The following TNFSF4 variants were observed in gnomAD, a reference collection of about 807,000 sequenced individuals.
TNFSF4 encodes the protein tumor necrosis factor ligand superfamily member 4.
Under a neutral mutation model 7.3 loss-of-function variants are expected in TNFSF4, and 4 were observed. That is an observed-to-expected ratio of 0.55 (90% CI 0.27 to 1.25). The LOEUF is 1.25. TNFSF4 is among the 50% of genes most tolerant of loss of function. The pLI is 0.12. For missense variants in TNFSF4, 181 were observed against 208.8 expected, an observed-to-expected ratio of 0.87 and a Z score of 0.82; for synonymous variants, 76 against 83.7, an observed-to-expected ratio of 0.91 and a Z score of 0.50.
the TNFSF4 span, among the ~76,000 whole-genome samples, chr1:173,281,673 C>G: frequency 3.3e-5 from 5 of 152,200 alleles, no homozygotes; most frequent in East Asian, 5.8e-4. Flanking sequence ...TCAATGTTCT[C>G]AAGATCAAGG....
At chr1:173,336,371 C>T in the TNFSF4 span, among the ~76,000 whole-genome samples, 14 of 152,308 alleles carry the variant, frequency 9.2e-5, no homozygotes, top group African/African-American at 3.4e-4. Context: ...TAAGTTTATG[C>T]AGATGGTGAC....
At chr1:173,304,493 A>G in the TNFSF4 span, among the ~76,000 whole-genome samples, 2 of 152,106 alleles carry the variant, frequency 1.3e-5, no homozygotes, top group Non-Finnish European at 1.5e-5. Context: ...CATGAGGGAA[A>G]AGTCCTTTAG....
chr1:173,368,793 C>A, the TNFSF4 span, among the ~76,000 whole-genome samples: 1 of 152,174 alleles, frequency 6.6e-6, no homozygotes, highest in Non-Finnish European at 1.5e-5. Flanking sequence ...TCTATCCTGA[C>A]CCTTGCCTCC....
At chr1:173,378,415 C>T in the TNFSF4 span, among the ~76,000 whole-genome samples, 1 of 152,154 alleles carries the variant, frequency 6.6e-6, no homozygotes, top group African/African-American at 2.4e-5. Flanking sequence ...AAACCAAAAC[C>T]ACGGGCGGTT....
At chr1:173,176,195 A>G in the TNFSF4 span, among the ~76,000 whole-genome samples, 3 of 152,096 alleles carry the variant, frequency 2.0e-5, no homozygotes, top group Admixed American at 1.3e-4. Context: ...ATCCGTAAAA[A>G]CTAACTACCT....
intron 2 of TNFSF4, among the ~76,000 whole-genome samples, chr1:173,187,384 T>C (rs934405412): frequency 6.6e-6 from 1 of 152,218 alleles, no homozygotes; most frequent in Non-Finnish European, 1.5e-5. Flanking sequence ...CTACCCATAC[T>C]CTGAAGCTTG....
At chr1:173,217,691 T>C in the TNFSF4 span, among the ~76,000 whole-genome samples, 2 of 152,236 alleles carry the variant, frequency 1.3e-5, no homozygotes, top group African/African-American at 4.8e-5. Context: ...GGATCTATTA[T>C]GGTAAATAAA....
intron 1 of TNFSF4, chr1:173,205,550 C>T: frequency 7.6e-7 from 1 of 1,311,328 alleles, no homozygotes; most frequent in Non-Finnish European, 9.7e-7. Context: ...GCCATGTGTC[C>T]TGTGTTTTAT....
chr1:173,407,706 G>GTC, the TNFSF4 span, among the ~76,000 whole-genome samples: 440 of 150,764 alleles, frequency 2.9e-3, 1 homozygote, highest in African/African-American at 9.9e-3. Flanking sequence ...GTAAATGGGT[G>GTC]TGTGTGTGTG....
chr1:173,368,439 C>T, the TNFSF4 span, among the ~76,000 whole-genome samples: 1 of 152,062 alleles, frequency 6.6e-6, no homozygotes, highest in Admixed American at 6.5e-5. Flanking sequence ...ACCATTGGAC[C>T]CCTGTTGCTT....
chr1:173,407,403 TATAAAA>T, the TNFSF4 span, among the ~76,000 whole-genome samples: 1 of 151,356 alleles, frequency 6.6e-6, no homozygotes, highest in African/African-American at 2.4e-5. Flanking sequence ...CCATAAAAAG[TATAAAA>T]ATTTGTCGGG....
chr1:173,220,784 A>C, the TNFSF4 span, among the ~76,000 whole-genome samples: 1 of 152,336 alleles, frequency 6.6e-6, no homozygotes, highest in South Asian at 2.1e-4. Flanking sequence ...GTTCTCCAGA[A>C]CTATGAAATA....
the TNFSF4 span, among the ~76,000 whole-genome samples, chr1:173,420,278 C>T: frequency 1.5e-4 from 23 of 152,178 alleles, no homozygotes. Context: ...TCCTTCACTT[C>T]AGGTTTGGAA....
chr1:173,414,783 G>A, the TNFSF4 span, among the ~76,000 whole-genome samples: 3 of 152,184 alleles, frequency 2.0e-5, no homozygotes, highest in Non-Finnish European at 4.4e-5. Flanking sequence ...TGCCATGGCT[G>A]GCACATCACT....
At chr1:173,328,920 C>A in the TNFSF4 span, among the ~76,000 whole-genome samples, 1 of 152,150 alleles carries the variant, frequency 6.6e-6, no homozygotes, top group African/African-American at 2.4e-5. Flanking sequence ...AATTCCACCA[C>A]ACGTGGAAAG....
At chr1:173,237,481 A>G in the TNFSF4 span, among the ~76,000 whole-genome samples, 6 of 152,236 alleles carry the variant, frequency 3.9e-5, no homozygotes, top group South Asian at 1.2e-3. Context: ...ATGCTTGCAG[A>G]TGACATGATT....
downstream of TNFSF4, among the ~76,000 whole-genome samples, chr1:173,183,186 G>C: frequency 6.6e-6 from 1 of 151,844 alleles, no homozygotes; most frequent in East Asian, 1.9e-4. Flanking sequence ...GCATTAAAGG[G>C]GTGGCAGAGA....
the TNFSF4 span, among the ~76,000 whole-genome samples, chr1:173,407,559 C>CA: frequency 0.24 from 17,331 of 71,680 alleles, 2,093 homozygotes; most frequent in East Asian, 0.41. Context: ...GACTCTGCCT[C>CA]AAAAAAAAAA....
chr1:173,345,904 G>A, the TNFSF4 span, among the ~76,000 whole-genome samples: 1 of 152,218 alleles, frequency 6.6e-6, no homozygotes, highest in East Asian at 1.9e-4. Context: ...TGAGGCAGCA[G>A]AGTGGTAAGT....
Sources: allele counts gnomAD v4.1 joint callset (sites outside exome capture counted in the v4.1 genomes callset), GRCh38; gene constraint gnomAD v4.1.1; transcripts MANE v1.5; gene names NCBI Gene and HGNC (gene_info 2026-07-23, HGNC 2026-07-21).